UTY: variants seen among roughly 807,000 people sequenced by gnomAD.
UTY encodes ubiquitously transcribed tetratricopeptide repeat containing, Y-linked, also known as histone demethylase UTY.
In UTY, 12 loss-of-function variants were observed where a neutral mutation model predicts 32.5. The observed-to-expected ratio is 0.37, with a 90% confidence interval of 0.24 to 0.60. The LOEUF is 0.60. Among genes scored for constraint, UTY ranks in the 20% least tolerant of loss-of-function variants. The probability of loss-of-function intolerance (pLI) is 0.69; values close to 1 mark genes in which losing one functional copy is unlikely to be tolerated. For synonymous variants in UTY, 131 were observed against 103.4 expected, an observed-to-expected ratio of 1.27 and a Z score of -1.62; for missense variants, 303 against 299.2, an observed-to-expected ratio of 1.01 and a Z score of -0.09.
intron 28 of UTY, among the ~76,000 whole-genome samples, chrY:13,251,851 A>T: frequency 9.0e-5 from 3 of 33,296 alleles, no homozygotes; most frequent in African/African-American, 3.5e-4. Context: ...TTCTTAGTCA[A>T]GCATCTTCAG....
intron 6 of UTY, among the ~76,000 whole-genome samples, chrY:13,409,043 G>A (rs2070498027): frequency 3.0e-5 from 1 of 33,353 alleles, no homozygotes; most frequent in East Asian, 7.8e-4. Flanking sequence ...TATGGTCTGA[G>A]AAAATTTTAC....
chrY:13,379,952 A>ATG (rs2065851164), intron 8 of UTY, among the ~76,000 whole-genome samples: 1 of 17,259 alleles, frequency 5.8e-5, no homozygotes, highest in Non-Finnish European at 1.3e-4. Flanking sequence ...ATATATATAG[A>ATG]TGTGTGTATA....
At chrY:13,428,769 C>T (rs986648993) in intron 4 of UTY, among the ~76,000 whole-genome samples, 1 of 33,726 alleles carries the variant, frequency 3.0e-5, no homozygotes, top group Non-Finnish European at 7.4e-5. Flanking sequence ...CTGAAGCCTA[C>T]TTTGGGCAGT....
intron 4 of UTY, among the ~76,000 whole-genome samples, chrY:13,422,696 A>T: frequency 3.0e-5 from 1 of 33,867 alleles, no homozygotes; most frequent in African/African-American, 1.2e-4. Context: ...AGCAGGTAAA[A>T]CCATGGAGAC....
intron 5 of UTY, among the ~76,000 whole-genome samples, chrY:13,412,747 A>G: frequency 3.0e-5 from 1 of 33,775 alleles, no homozygotes; most frequent in Non-Finnish European, 7.3e-5. Context: ...CTGGCTGACT[A>G]AAATGATTTT....
chrY:13,468,656 G>T, intron 3 of UTY, among the ~76,000 whole-genome samples: 1 of 32,149 alleles, frequency 3.1e-5, no homozygotes, highest in Non-Finnish European at 7.6e-5. Flanking sequence ...CTCCAGCGTG[G>T]GTGACAGTGA....
At chrY:13,327,256 G>A (rs774014961) in intron 18 of UTY, among the ~76,000 whole-genome samples, 15 of 33,512 alleles carry the variant, frequency 4.5e-4, no homozygotes, top group Admixed American at 1.1e-3. Context: ...ACAAAAATCT[G>A]AAAACTCTGT....
At chrY:13,427,297 C>A in intron 4 of UTY, among the ~76,000 whole-genome samples, 2 of 33,692 alleles carry the variant, frequency 5.9e-5, no homozygotes, top group Admixed American at 5.3e-4. Context: ...AAACGATCTA[C>A]AAAACAACCA....
At chrY:13,397,001 C>T in intron 6 of UTY, 29 bp from the exon 7 acceptor site, 1 of 283,055 alleles carries the variant, frequency 3.5e-6, no homozygotes, top group South Asian at 4.3e-5. Flanking sequence ...AATATTAATG[C>T]ACTAAATTAA....
intron 4 of UTY, among the ~76,000 whole-genome samples, chrY:13,436,336 G>C: frequency 3.0e-5 from 1 of 33,083 alleles, no homozygotes; most frequent in Non-Finnish European, 7.5e-5. Context: ...TGTATGCTGT[G>C]AGTGAAATGT....
intron 12 of UTY, among the ~76,000 whole-genome samples, chrY:13,359,562 T>C: frequency 3.0e-5 from 1 of 33,525 alleles, no homozygotes; most frequent in African/African-American, 1.2e-4. Flanking sequence ...TAAATATGCA[T>C]CAATAAAGTA....
chrY:13,312,444 A>C, intron 21 of UTY, among the ~76,000 whole-genome samples: 1 of 31,551 alleles, frequency 3.2e-5, no homozygotes, highest in African/African-American at 1.2e-4. Flanking sequence ...AAAAAAAAAA[A>C]AAACATACAA....
intron 28 of UTY, among the ~76,000 whole-genome samples, chrY:13,253,011 C>A (rs2054355347): frequency 3.0e-5 from 1 of 32,976 alleles, no homozygotes. Context: ...TGGGTTAGGG[C>A]CTCCCCAACC....
chrY:13,383,198 G>A (rs2066326330), intron 8 of UTY, among the ~76,000 whole-genome samples: 1 of 30,532 alleles, frequency 3.3e-5, no homozygotes, highest in Admixed American at 3.0e-4. Context: ...GCTGAGGCAG[G>A]AGGATTGCTT....
chrY:13,369,167 A>C, intron 9 of UTY, 89 bp downstream of exon 9: 1 of 130,003 alleles, frequency 7.7e-6, no homozygotes. Flanking sequence ...CTAAATGAAA[A>C]CAAATGTCTA....
At chrY:13,240,819 G>A in intron 28 of UTY, among the ~76,000 whole-genome samples, 1 of 32,244 alleles carries the variant, frequency 3.1e-5, no homozygotes, top group Non-Finnish European at 7.5e-5. Context: ...AACATAGCTA[G>A]ACCTTGTCTC....
chrY:13,272,734 G>A (rs2148535504), intron 27 of UTY, among the ~76,000 whole-genome samples: 1 of 33,151 alleles, frequency 3.0e-5, no homozygotes, highest in Admixed American at 2.7e-4. Flanking sequence ...TTAAATTTCC[G>A]AAAATTAATT....
At chrY:13,326,452 A>G in intron 18 of UTY, 102 bp from the exon 19 acceptor site, 1 of 212,148 alleles carries the variant, frequency 4.7e-6, no homozygotes, top group South Asian at 4.7e-5. Flanking sequence ...CATTCACTAA[A>G]ATACAAACAG....
At chrY:13,240,456 T>A (rs939094777) in intron 28 of UTY, among the ~76,000 whole-genome samples, 3 of 33,488 alleles carry the variant, frequency 9.0e-5, no homozygotes, top group African/African-American at 3.5e-4. Context: ...CCCACTTGCA[T>A]TAGACCAGTC....
Sources: gnomAD v4.1 joint callset for allele counts (sites outside exome capture counted in the v4.1 genomes callset) on GRCh38, gnomAD v4.1.1 for gene constraint, MANE v1.5 for transcripts, NCBI Gene and HGNC (gene_info 2026-07-23, HGNC 2026-07-21) for gene names.